DHX15: variants seen among roughly 807,000 people sequenced by gnomAD.
DHX15 encodes DEAH-box helicase 15.
Under a neutral mutation model 94.4 loss-of-function variants are expected in DHX15, and 11 were observed. That is an observed-to-expected ratio of 0.12 (90% CI 0.07 to 0.19). The LOEUF (loss-of-function observed/expected upper bound fraction) is 0.19, where lower values mean the gene tolerates loss of function less well. Ranked by LOEUF, DHX15 falls within the 10% of genes least tolerant of loss-of-function variation. The probability of loss-of-function intolerance (pLI) is 1.00; values close to 1 mark genes in which losing one functional copy is unlikely to be tolerated. For synonymous variants in DHX15, 338 were observed against 329.9 expected, an observed-to-expected ratio of 1.02 and a Z score of -0.27; for missense variants, 304 against 988.5, an observed-to-expected ratio of 0.31 and a Z score of 9.29.
At chr4:24,547,919 A>C (rs113621004) in intron 6 of DHX15, among the ~76,000 whole-genome samples, 549 of 25,140 alleles carry the variant, frequency 0.022, 11 homozygotes, top group South Asian at 0.037. Flanking sequence ...ATATATATAT[A>C]TATATATATA....
In DHX15 at chr4:24,544,926, T is replaced by C. The variant is rs549702693; in HGVS notation, c.1249-1900A>G. Among the ~76,000 whole-genome samples the C allele has an allele frequency of 1.6e-3, 246 of 151,974 alleles. 1 individual carries two copies. Among genetic ancestry groups the C allele is most frequent in the African/African-American group, 4.9e-3 (202 of 41,456 alleles). The stretch of plus-strand genomic sequence containing the variant: ...GAGTTTGAGACAAGCCTGGACAACA[T>C]AGTAAAACCCCACCTCTACAAAAAA... On this transcript the variant is annotated intron_variant, in intron 6 of 13. Transcript: ENST00000336812.
At chr4:24,564,617 G>T (rs1034111343) in intron 3 of DHX15, among the ~76,000 whole-genome samples, 2 of 152,112 alleles carry the variant, frequency 1.3e-5, no homozygotes, top group Non-Finnish European at 2.9e-5. Context: ...GATATTAGCC[G>T]AGTCCTTACA....
intron 11 of DHX15, 58 bp downstream of exon 11, chr4:24,536,993 T>A (rs1721212503): frequency 6.4e-7 from 1 of 1,566,744 alleles, no homozygotes; most frequent in Admixed American, 1.8e-5. Flanking sequence ...CAAAGAAACA[T>A]CTTATACACT....
At chr4:24,578,771 C>T (rs555732857) in intron 1 of DHX15, among the ~76,000 whole-genome samples, 3 of 152,136 alleles carry the variant, frequency 2.0e-5, no homozygotes, top group Admixed American at 6.5e-5. Context: ...CACCATGTTG[C>T]CCAGGATGGT....
intron 2 of DHX15, among the ~76,000 whole-genome samples, 178 bp from the exon 3 acceptor site, chr4:24,571,025 A>G (rs1722109456): frequency 6.6e-6 from 1 of 152,250 alleles, no homozygotes; most frequent in Non-Finnish European, 1.5e-5. Flanking sequence ...AGGAACAGTT[A>G]TGTGTAATAC....
At chr4:24,535,352 C>G (rs574479886) in intron 11 of DHX15, among the ~76,000 whole-genome samples, 1 of 152,284 alleles carries the variant, frequency 6.6e-6, no homozygotes, top group African/African-American at 2.4e-5. Context: ...ACTACATCCC[C>G]TCTGACTGAA....
At chr4:24,573,018 C>T (rs1368223498) in intron 2 of DHX15, among the ~76,000 whole-genome samples, 2 of 152,186 alleles carry the variant, frequency 1.3e-5, no homozygotes, top group Admixed American at 6.5e-5. Context: ...TCAAGTGATT[C>T]TCCTGCCTCA....
chr4:24,584,200 C>T (rs886137051), intron 1 of DHX15, 123 bp downstream of exon 1: 2 of 1,064,830 alleles, frequency 1.9e-6, no homozygotes, highest in Non-Finnish European at 1.4e-6. Context: ...CTAGTGAACC[C>T]AGCCCAGAGA....
chr4:24,579,683 G>T (rs1023392047), intron 1 of DHX15, among the ~76,000 whole-genome samples: 1 of 152,224 alleles, frequency 6.6e-6, no homozygotes. Flanking sequence ...GTAGAGTATA[G>T]ATAGGATTAA....
chr4:24,559,998 C>T (rs1332618827), intron 3 of DHX15, among the ~76,000 whole-genome samples: 1 of 152,090 alleles, frequency 6.6e-6, no homozygotes, highest in African/African-American at 2.4e-5. Context: ...ACTGTGACTG[C>T]TTAATAAAAT....
chr4:24,577,595 G>A (rs925414801), intron 1 of DHX15, among the ~76,000 whole-genome samples: 1 of 152,062 alleles, frequency 6.6e-6, no homozygotes, highest in African/African-American at 2.4e-5. Flanking sequence ...TTAAAATTAT[G>A]CAGGTAGCCA....
At chr4:24,579,131 A>T (rs1250748047) in intron 1 of DHX15, among the ~76,000 whole-genome samples, 6 of 152,226 alleles carry the variant, frequency 3.9e-5, no homozygotes, top group Non-Finnish European at 8.8e-5. Flanking sequence ...CTGTGGTATT[A>T]AGATAAAAGG....
intron 11 of DHX15, among the ~76,000 whole-genome samples, chr4:24,536,838 C>T (rs184799621): frequency 2.0e-4 from 30 of 152,248 alleles, no homozygotes; most frequent in Admixed American, 1.6e-3. Flanking sequence ...AGGTTTTCTA[C>T]AATTGGTGCT....
At chr4:24,543,222 C>G (rs2109398004) in intron 6 of DHX15, among the ~76,000 whole-genome samples, 196 bp from the exon 7 acceptor site, 1 of 152,122 alleles carries the variant, frequency 6.6e-6, no homozygotes, top group African/African-American at 2.4e-5. Flanking sequence ...TTGTTTACAC[C>G]ACAACAGCAA....
At chr4:24,547,927 ATATATATATATATATCTATATCTATATC>A (rs1721477413) in intron 6 of DHX15, among the ~76,000 whole-genome samples, 4 of 102,954 alleles carry the variant, frequency 3.9e-5, no homozygotes, top group African/African-American at 1.5e-4. Flanking sequence ...ATATATATAT[ATATATATATATATATCTATATCTATATC>A]TATATCTATC....
intron 3 of DHX15, among the ~76,000 whole-genome samples, chr4:24,561,495 G>C (rs190563945): frequency 5.9e-5 from 9 of 152,210 alleles, no homozygotes; most frequent in African/African-American, 2.2e-4. Flanking sequence ...AATGACACAG[G>C]CCTGTGTATA....
At chr4:24,533,382 G>GT (rs1721128416) in intron 11 of DHX15, 1 of 355,338 alleles carries the variant, frequency 2.8e-6, no homozygotes, top group South Asian at 2.9e-5. Flanking sequence ...AAGGCTGGAA[G>GT]TATTTGGTAA....
chr4:24,532,038 A>T (rs1266614472), intron 12 of DHX15, among the ~76,000 whole-genome samples: 2 of 152,240 alleles, frequency 1.3e-5, no homozygotes, highest in African/African-American at 4.8e-5. Flanking sequence ...AGAGAGAATG[A>T]ACAAACAGAA....
chr4:24,584,189 G>C, intron 1 of DHX15, 134 bp downstream of exon 1: 1 of 941,950 alleles, frequency 1.1e-6, no homozygotes, highest in East Asian at 2.9e-5. Context: ...CCTACCCGCC[G>C]CTAGTGAACC....
Sources: allele counts gnomAD v4.1 joint callset (sites outside exome capture counted in the v4.1 genomes callset), GRCh38; gene constraint gnomAD v4.1.1; transcripts MANE v1.5; gene names NCBI Gene and HGNC (gene_info 2026-07-23, HGNC 2026-07-21).